PEAK1: variants seen among roughly 807,000 people sequenced by gnomAD.
The protein encoded by PEAK1 is inactive tyrosine-protein kinase PEAK1.
A neutral mutation model predicts 124.7 loss-of-function variants in PEAK1; 54 were observed. That is an observed-to-expected ratio of 0.43 (90% CI 0.35 to 0.54). The LOEUF (loss-of-function observed/expected upper bound fraction) is 0.54. Ranked by LOEUF, PEAK1 falls within the 20% of genes least tolerant of loss-of-function variation. PEAK1 has a pLI of 0.01. For synonymous variants in PEAK1, 719 were observed against 760.0 expected (o/e 0.95, Z 0.89); for missense variants, 2,046 against 2,134.5 (o/e 0.96, Z 0.82).
chr15:77,365,801 A>G (rs2068193604), intron 1 of PEAK1, among the ~76,000 whole-genome samples: 1 of 151,952 alleles, frequency 6.6e-6, no homozygotes, highest in South Asian at 2.1e-4. Context: ...GGAGAAAAAA[A>G]TCAATCTCCT....
intron 2 of PEAK1, among the ~76,000 whole-genome samples, chr15:77,302,876 A>G (rs1366074788): frequency 9.2e-5 from 14 of 152,186 alleles, no homozygotes; most frequent in Admixed American, 8.5e-4. Flanking sequence ...TCACAGTATC[A>G]TACTTATCAC....
At chr15:77,278,558 C>A in intron 5 of PEAK1, 2 of 495,374 alleles carry the variant, frequency 4.0e-6, no homozygotes, top group South Asian at 1.5e-5. Context: ...GTCTACTAAA[C>A]CTGCTCCTCC....
intron 1 of PEAK1, among the ~76,000 whole-genome samples, chr15:77,373,866 CA>C (rs2068816799): frequency 6.6e-6 from 1 of 152,006 alleles, no homozygotes; most frequent in Non-Finnish European, 1.5e-5. Context: ...GGCATGCTGT[CA>C]AAACTATGCA....
intron 2 of PEAK1, among the ~76,000 whole-genome samples, chr15:77,344,284 C>T (rs1384527986): frequency 6.6e-6 from 1 of 151,850 alleles, no homozygotes; most frequent in Non-Finnish European, 1.5e-5. Context: ...TTAGTAGAGA[C>T]GGGGTTTCAC....
intron 6 of PEAK1, among the ~76,000 whole-genome samples, chr15:77,183,121 A>G (rs2057369068): frequency 6.6e-6 from 1 of 152,232 alleles, no homozygotes; most frequent in African/African-American, 2.4e-5. Flanking sequence ...TATGTTTTTA[A>G]ATGGTTGGAA....
chr15:77,402,872 T>C (rs959809648), intron 1 of PEAK1: 34 of 985,292 alleles, frequency 3.5e-5, no homozygotes, highest in Middle Eastern at 1.0e-3. Flanking sequence ...AAACTTTCAA[T>C]TGCTACAGAT....
chr15:77,272,524 T>C (rs893863306), intron 5 of PEAK1, among the ~76,000 whole-genome samples: 2 of 152,142 alleles, frequency 1.3e-5, no homozygotes, highest in Non-Finnish European at 2.9e-5. Flanking sequence ...GATGGATAAA[T>C]TCCTGGGAAT....
At chr15:77,278,402 A>T (rs1208899470) in intron 5 of PEAK1, 1 of 315,098 alleles carries the variant, frequency 3.2e-6, no homozygotes, top group East Asian at 8.3e-5. Context: ...AAGCAGGGAG[A>T]ACGACCCCCA....
At position 77,158,585 on chromosome 15, in the gene PEAK1, AG is replaced by A. The variant is rs1317070590; in HGVS notation, c.3248del (p.Pro1083LeufsTer28). 6.2e-7 allele frequency: 1 copy of A among 1,614,124 alleles called. No homozygotes were observed. Among genetic ancestry groups the A allele is most frequent in the East Asian group, 2.2e-5 (1 of 44,880 alleles). ...CTSVTTALSL[P>X]ELEREDGKED... ...CTTTTCCATCTTCCCTTTCCAGTTC[AG>A]GTAGGGACAATGCTGTTGTGACTGA... On this transcript the variant is annotated frameshift_variant, in exon 8 of 10. Coordinates refer to ENST00000682557, the MANE Select transcript of PEAK1 (RefSeq NM_001385026.1). LOFTEE classifies it high-confidence loss of function.
intron 9 of PEAK1, among the ~76,000 whole-genome samples, chr15:77,120,236 T>C (rs957369670): frequency 1.3e-4 from 20 of 152,218 alleles, no homozygotes; most frequent in Admixed American, 1.2e-3. Flanking sequence ...AGCTTGCTCA[T>C]AGCTTCAACC....
chr15:77,419,548 G>GT (rs898399444), intron 1 of PEAK1: 2 of 985,092 alleles, frequency 2.0e-6, no homozygotes, highest in Non-Finnish European at 2.4e-6. Context: ...ATGCTCCCGG[G>GT]TGCGGGAGCG....
chr15:77,111,374 T>C lies in PEAK1; in HGVS notation c.*2782A>G, dbSNP rs941025002. 6.6e-5 allele frequency: 10 copies of C among 152,192 alleles called. No homozygotes were observed. The highest frequency in any genetic ancestry group is 1.9e-4 in the African/African-American group (8 of 41,432). The allele number at this position is 152,192 out of a possible 1,614,324, so 9.4% of individuals were successfully genotyped here. ...ACTGAATTTCATTTTTTTGGAAAAA[T>C]ATTCTGAAGACCAACTCATGTAGTA... is the stretch of plus-strand genomic sequence containing the variant. On this transcript the variant is annotated 3_prime_UTR_variant, in exon 10 of 10. Coordinates refer to ENST00000682557, the MANE Select transcript of PEAK1 (RefSeq NM_001385026.1).
At chr15:77,282,824 A>G (rs556568741) in intron 5 of PEAK1, among the ~76,000 whole-genome samples, 63 of 152,344 alleles carry the variant, frequency 4.1e-4, no homozygotes, top group Non-Finnish European at 7.8e-4. Context: ...TGAAGTTTCC[A>G]GGAAACTAGC....
intron 1 of PEAK1, among the ~76,000 whole-genome samples, chr15:77,412,685 G>A (rs1380926899): frequency 6.6e-6 from 1 of 151,992 alleles, no homozygotes; most frequent in Non-Finnish European, 1.5e-5. Context: ...CCACAGCAAT[G>A]AGCACACTTA....
At chr15:77,290,306 G>A (rs996100134) in intron 2 of PEAK1, among the ~76,000 whole-genome samples, 1 of 152,202 alleles carries the variant, frequency 6.6e-6, no homozygotes, top group African/African-American at 2.4e-5. Flanking sequence ...TGTATTTTTA[G>A]TAGAGATGGG....
intron 2 of PEAK1, among the ~76,000 whole-genome samples, chr15:77,288,003 T>G (rs1376986170): frequency 6.6e-6 from 1 of 152,180 alleles, no homozygotes; most frequent in Non-Finnish European, 1.5e-5. Flanking sequence ...ACCAAATCAG[T>G]AACCTAACTC....
At chr15:77,354,501 A>G (rs1176665246) in intron 2 of PEAK1, among the ~76,000 whole-genome samples, 1 of 152,138 alleles carries the variant, frequency 6.6e-6, no homozygotes, top group Non-Finnish European at 1.5e-5. Flanking sequence ...AGCCATGTTA[A>G]TCTCCTGGTG....
At chr15:77,410,992 T>C (rs999094187) in intron 1 of PEAK1, among the ~76,000 whole-genome samples, 1 of 152,230 alleles carries the variant, frequency 6.6e-6, no homozygotes, top group African/African-American at 2.4e-5. Context: ...CTATTTTTAA[T>C]GCAAAGGGGT....
chr15:77,118,149 T>C (rs1023318201), intron 9 of PEAK1, among the ~76,000 whole-genome samples: 3 of 152,170 alleles, frequency 2.0e-5, no homozygotes, highest in Non-Finnish European at 4.4e-5. Context: ...TGAAGAATAA[T>C]GAGTCACTCT....
Sources: gnomAD v4.1 joint callset for allele counts (sites outside exome capture counted in the v4.1 genomes callset) on GRCh38, gnomAD v4.1.1 for gene constraint, MANE v1.5 for transcripts, NCBI Gene and HGNC (gene_info 2026-07-23, HGNC 2026-07-21) for gene names.